AGMO: variants seen among roughly 807,000 people sequenced by gnomAD.
AGMO encodes the protein alkylglycerol monooxygenase, also known as glyceryl-ether monooxygenase.
A neutral mutation model predicts 60.2 loss-of-function variants in AGMO; 75 were observed. That is an observed-to-expected ratio of 1.25 (90% CI 1.03 to 1.51). The LOEUF (loss-of-function observed/expected upper bound fraction) is 1.51. AGMO is among the 40% of genes most tolerant of loss of function. AGMO has a pLI of 0.00. For synonymous variants in AGMO, 261 were observed against 177.1 expected, an observed-to-expected ratio of 1.47 and a Z score of -3.76; for missense variants, 763 against 525.5, an observed-to-expected ratio of 1.45 and a Z score of -4.42.
At chr7:15,194,375 TAA>T in the AGMO span, among the ~76,000 whole-genome samples, 1 of 151,128 alleles carries the variant, frequency 6.6e-6, no homozygotes, top group East Asian at 1.9e-4. Context: ...TAAGTAAAAT[TAA>T]AAAAAAAGAA....
chr7:15,284,378 A>C (rs1784047582), intron 12 of AGMO, among the ~76,000 whole-genome samples: 1 of 152,070 alleles, frequency 6.6e-6, no homozygotes, highest in Non-Finnish European at 1.5e-5. Context: ...ATTAAAAATG[A>C]AAATGAAGAC....
At chr7:15,181,714 A>C in the AGMO span, among the ~76,000 whole-genome samples, 1 of 152,116 alleles carries the variant, frequency 6.6e-6, no homozygotes, top group South Asian at 2.1e-4. Flanking sequence ...TGGAAATATT[A>C]TTTTTGATGG....
chr7:15,160,844 G>T, the AGMO span, among the ~76,000 whole-genome samples: 1 of 152,132 alleles, frequency 6.6e-6, no homozygotes, highest in East Asian at 1.9e-4. Flanking sequence ...TGCTATAAAA[G>T]AATGCATGAG....
chr7:15,544,544 T>G (rs2115279942), intron 3 of AGMO, among the ~76,000 whole-genome samples: 1 of 152,274 alleles, frequency 6.6e-6, no homozygotes, highest in South Asian at 2.1e-4. Flanking sequence ...TTTTTAAAAT[T>G]AGAAGCGAAA....
chr7:15,377,734 A>C (rs1419297983), intron 10 of AGMO, among the ~76,000 whole-genome samples: 1 of 152,056 alleles, frequency 6.6e-6, no homozygotes, highest in African/African-American at 2.4e-5. Flanking sequence ...CAACTATTTA[A>C]GCTCTATTAA....
At chr7:15,207,924 A>G (rs917070900) in intron 12 of AGMO, among the ~76,000 whole-genome samples, 1 of 152,160 alleles carries the variant, frequency 6.6e-6, no homozygotes, top group Non-Finnish European at 1.5e-5. Flanking sequence ...ACAGTGCGAG[A>G]CTCTGTCTCA....
chr7:15,277,569 A>G (rs1783839088), intron 12 of AGMO, among the ~76,000 whole-genome samples: 2 of 151,756 alleles, frequency 1.3e-5, no homozygotes, highest in African/African-American at 4.8e-5. Flanking sequence ...CCATCCCTTG[A>G]TGGTGAGACA....
At chr7:15,193,107 C>A in the AGMO span, among the ~76,000 whole-genome samples, 57 of 152,164 alleles carry the variant, frequency 3.7e-4, no homozygotes, top group African/African-American at 1.3e-3. Context: ...TTCAAAGTTT[C>A]ATCTTATGGT....
intron 3 of AGMO, among the ~76,000 whole-genome samples, chr7:15,534,597 G>A (rs1171758461): frequency 2.6e-5 from 4 of 151,604 alleles, no homozygotes; most frequent in Non-Finnish European, 4.4e-5. Context: ...TCCTGTAGAG[G>A]CATCTTATTA....
chr7:15,492,035 T>A (rs190906372), intron 3 of AGMO, among the ~76,000 whole-genome samples: 1 of 152,216 alleles, frequency 6.6e-6, no homozygotes, highest in African/African-American at 2.4e-5. Flanking sequence ...AGACCTTGCA[T>A]TGTGGCAACA....
intron 8 of AGMO, among the ~76,000 whole-genome samples, chr7:15,390,095 G>C (rs924020811): frequency 6.6e-6 from 1 of 152,058 alleles, no homozygotes; most frequent in Non-Finnish European, 1.5e-5. Context: ...TGACGGATCA[G>C]AGCTTCACAG....
chr7:15,214,101 G>C (rs1341362172), intron 12 of AGMO, among the ~76,000 whole-genome samples: 4 of 151,892 alleles, frequency 2.6e-5, no homozygotes, highest in African/African-American at 9.7e-5. Context: ...AGACATAAAG[G>C]AGGGAGAGAG....
chr7:15,230,864 C>T (rs1051383929), intron 12 of AGMO, among the ~76,000 whole-genome samples: 3 of 152,128 alleles, frequency 2.0e-5, no homozygotes, highest in African/African-American at 7.2e-5. Context: ...CTCTGCTCAT[C>T]CCATTGGCCC....
chr7:15,192,858 A>G, the AGMO span, among the ~76,000 whole-genome samples: 98,050 of 151,932 alleles, frequency 0.65, 32,948 homozygotes, highest in African/African-American at 0.85. Flanking sequence ...AAGGGGGTCA[A>G]GGAACTTTCC....
intron 12 of AGMO, among the ~76,000 whole-genome samples, chr7:15,205,537 A>G (rs534965850): frequency 5.3e-5 from 8 of 152,278 alleles, no homozygotes; most frequent in Non-Finnish European, 1.2e-4. Flanking sequence ...TCCCTGAATC[A>G]CTAATAAGAT....
intron 12 of AGMO, among the ~76,000 whole-genome samples, chr7:15,322,725 T>TATATATAAATATATATAA (rs1554413755): frequency 1.4e-5 from 1 of 72,800 alleles, no homozygotes; most frequent in African/African-American, 8.3e-5. Context: ...AATATATAAA[T>TATATATAAATATATATAA]ATATATATAA....
chr7:15,354,260 T>G (rs1191637102), intron 12 of AGMO, among the ~76,000 whole-genome samples: 1 of 140,276 alleles, frequency 7.1e-6, no homozygotes, highest in Non-Finnish European at 1.5e-5. Context: ...GTAAAAAATG[T>G]GTACATGATA....
chr7:15,358,124 C>G (rs971395887), intron 12 of AGMO: 1 of 175,974 alleles, frequency 5.7e-6, no homozygotes, highest in Non-Finnish European at 1.2e-5. Context: ...ATTTTGAAGT[C>G]AATGAACATT....
chr7:15,138,402 G>A, the AGMO span, among the ~76,000 whole-genome samples: 3 of 152,276 alleles, frequency 2.0e-5, no homozygotes, highest in Admixed American at 1.3e-4. Flanking sequence ...ATTCCACTGT[G>A]CCACTTGGAC....
Sources: allele counts gnomAD v4.1 joint callset (sites outside exome capture counted in the v4.1 genomes callset), GRCh38; gene constraint gnomAD v4.1.1; transcripts MANE v1.5; gene names NCBI Gene and HGNC (gene_info 2026-07-23, HGNC 2026-07-21).